MTSS1: variants seen among roughly 807,000 people sequenced by gnomAD.
MTSS1 encodes protein MTSS 1.
Under a neutral mutation model 79.0 loss-of-function variants are expected in MTSS1, and 18 were observed. That is an observed-to-expected ratio of 0.23 (90% CI 0.16 to 0.34). The LOEUF is 0.34. Among genes scored for constraint, MTSS1 ranks in the 10% least tolerant of loss-of-function variants. The probability of loss-of-function intolerance (pLI) is 1.00; values close to 1 mark genes in which losing one functional copy is unlikely to be tolerated. For missense variants in MTSS1, 815 were observed against 986.2 expected (o/e 0.83, Z 2.33); for synonymous variants, 341 against 368.6 (o/e 0.93, Z 0.86).
chr8:124,675,727 AT>A (rs1825164904), intron 3 of MTSS1, among the ~76,000 whole-genome samples: 1 of 152,332 alleles, frequency 6.6e-6, no homozygotes, highest in Admixed American at 6.5e-5. Context: ...TATCCTGAGC[AT>A]TCCCCATAAG....
rs539508216 is a variant in MTSS1 at position 124,631,087 on chromosome 8, T to C, written c.209-39852A>G. The stretch of plus-strand genomic sequence containing the variant: ...GGACTGAGAGCACTTGAGCATTTCA[T>C]TGGCCTGCACCCTGAGGATTCGCCC... On this transcript the variant is annotated intron_variant, in intron 3 of 13. Transcript: ENST00000518547. 7.9e-5 allele frequency among the ~76,000 whole-genome samples: 12 copies of C among 152,318 alleles called. No homozygotes were observed. The South Asian group carries it at 2.5e-3, about 32-fold the overall frequency.
intron 3 of MTSS1, among the ~76,000 whole-genome samples, chr8:124,650,519 G>A (rs1428105560): frequency 6.6e-6 from 1 of 152,126 alleles, no homozygotes; most frequent in Admixed American, 6.5e-5. Context: ...GAGAAGCCGC[G>A]TTTCCTCGCC....
intron 1 of MTSS1, among the ~76,000 whole-genome samples, chr8:124,710,974 C>T (rs1386113842): frequency 1.3e-5 from 2 of 152,102 alleles, no homozygotes; most frequent in Non-Finnish European, 2.9e-5. Flanking sequence ...CTTTGTTCTG[C>T]CCAAAAGGTG....
At chr8:124,577,379 C>T (rs964287997) in intron 6 of MTSS1, among the ~76,000 whole-genome samples, 6 of 152,194 alleles carry the variant, frequency 3.9e-5, no homozygotes, top group East Asian at 1.9e-4. Flanking sequence ...CATCCCAAGT[C>T]GCTGAGAATG....
intron 3 of MTSS1, among the ~76,000 whole-genome samples, chr8:124,606,503 G>T (rs962050525): frequency 6.6e-6 from 1 of 152,088 alleles, no homozygotes; most frequent in Non-Finnish European, 1.5e-5. Flanking sequence ...TACTCAGAGA[G>T]GTTAAGTAAC....
chr8:124,590,007 T>C (rs115382571), intron 4 of MTSS1, among the ~76,000 whole-genome samples: 7,164 of 152,108 alleles, frequency 0.047, 283 homozygotes, highest in African/African-American at 0.11. Flanking sequence ...CAGGAACACA[T>C]CACCATGCCC....
intron 1 of MTSS1, among the ~76,000 whole-genome samples, chr8:124,710,373 T>C (rs1428673242): frequency 1.3e-5 from 2 of 152,326 alleles, no homozygotes; most frequent in East Asian, 3.9e-4. Context: ...ATTTTCTTAG[T>C]TTTTAGGAAA....
At chr8:124,603,958 G>T (rs1038215431) in intron 3 of MTSS1, among the ~76,000 whole-genome samples, 2 of 152,046 alleles carry the variant, frequency 1.3e-5, no homozygotes, top group Non-Finnish European at 2.9e-5. Context: ...TAGCTGATGA[G>T]CTAAAAAAAC....
intron 3 of MTSS1, among the ~76,000 whole-genome samples, chr8:124,647,462 A>G (rs1016507116): frequency 1.3e-5 from 2 of 152,222 alleles, no homozygotes; most frequent in Non-Finnish European, 2.9e-5. Flanking sequence ...AGCATTTAAG[A>G]TCTAATCTCT....
At chr8:124,674,354 G>A (rs541774837) in intron 3 of MTSS1, among the ~76,000 whole-genome samples, 3 of 152,200 alleles carry the variant, frequency 2.0e-5, no homozygotes, top group African/African-American at 7.2e-5. Context: ...TATAAAATAT[G>A]CATAATCTGC....
At chr8:124,615,563 G>C (rs946220607) in intron 3 of MTSS1, among the ~76,000 whole-genome samples, 1 of 152,142 alleles carries the variant, frequency 6.6e-6, no homozygotes, top group African/African-American at 2.4e-5. Context: ...TCAGGCACTG[G>C]GGGGAAGGGG....
Position 124,727,116 on chromosome 8 carries a change from G to A in MTSS1, c.72+768C>T, listed in dbSNP as rs951431938. ...CGCGCGCACACACACATGCACGCGC[G>A]CACACACACACCATCTTCACAACCC... On this transcript the variant is annotated intron_variant, in intron 1 of 13. Transcript: ENST00000518547. This position sits in a 1 kb window ranked among gnomAD's most constrained non-coding sequence, Gnocchi z 4.7. 1.3e-5 allele frequency among the ~76,000 whole-genome samples: 2 copies of A among 152,008 alleles called. No individual in the cohort carries two copies. The highest frequency in any genetic ancestry group is 4.8e-5 in the African/African-American group (2 of 41,498).
chr8:124,666,267 A>G (rs1823053851), intron 3 of MTSS1, among the ~76,000 whole-genome samples: 1 of 152,262 alleles, frequency 6.6e-6, no homozygotes, highest in Admixed American at 6.5e-5. Flanking sequence ...AAATGGACAC[A>G]TGACTGTGTG....
chr8:124,644,253 G>C (rs758880376), intron 3 of MTSS1, among the ~76,000 whole-genome samples: 25 of 152,138 alleles, frequency 1.6e-4, no homozygotes, highest in Admixed American at 4.6e-4. Flanking sequence ...GTAGCATTTT[G>C]GTTTCCTTGG....
chr8:124,622,177 T>A (rs967555659), intron 3 of MTSS1, among the ~76,000 whole-genome samples: 1 of 152,126 alleles, frequency 6.6e-6, no homozygotes, highest in Non-Finnish European at 1.5e-5. Context: ...GAGGACGTTA[T>A]GCTAAGTGAA....
intron 1 of MTSS1, among the ~76,000 whole-genome samples, chr8:124,721,250 T>C (rs142366625): frequency 6.1e-4 from 92 of 152,016 alleles, no homozygotes; most frequent in African/African-American, 2.2e-3. Context: ...ACGTACTCAA[T>C]AGTCACACGT....
intron 3 of MTSS1, among the ~76,000 whole-genome samples, chr8:124,664,044 C>T (rs539046112): frequency 6.6e-6 from 1 of 152,284 alleles, no homozygotes; most frequent in African/African-American, 2.4e-5. Flanking sequence ...GTGCCCAGGT[C>T]GGTGAGAAGA....
At chr8:124,713,985 C>T (rs1831543877) in intron 1 of MTSS1, among the ~76,000 whole-genome samples, 1 of 152,088 alleles carries the variant, frequency 6.6e-6, no homozygotes, top group African/African-American at 2.4e-5. Flanking sequence ...GGATTCAAGT[C>T]ATCTGCCTGC....
chr8:124,627,960 A>C (rs534304145), intron 3 of MTSS1, among the ~76,000 whole-genome samples: 1 of 152,208 alleles, frequency 6.6e-6, no homozygotes, highest in Admixed American at 6.5e-5. Context: ...TGAGGTCAGG[A>C]GTTAGAGACC....
Sources: gnomAD v4.1 joint callset for allele counts (sites outside exome capture counted in the v4.1 genomes callset) on GRCh38, gnomAD v4.1.1 for gene constraint, Gnocchi (gnomAD v3.1) non-coding constraint, MANE v1.5 for transcripts, NCBI Gene and HGNC (gene_info 2026-07-23, HGNC 2026-07-21) for gene names.